Variants in DLG2 observed in about 807,000 individuals in gnomAD.
DLG2 encodes discs large MAGUK scaffold protein 2.
DLG2 carries 45 observed loss-of-function variants against 132.5 expected under a neutral mutation model. That is an observed-to-expected ratio of 0.34 (90% CI 0.27 to 0.44). The LOEUF (loss-of-function observed/expected upper bound fraction) is 0.44, where lower values mean the gene tolerates loss of function less well. Ranked by LOEUF, DLG2 falls within the 20% of genes least tolerant of loss-of-function variation. DLG2 has a pLI of 1.00. For missense variants in DLG2, 1,045 were observed against 1,196.9 expected, an observed-to-expected ratio of 0.87 and a Z score of 1.87; for synonymous variants, 424 against 419.6, an observed-to-expected ratio of 1.01 and a Z score of -0.13.
intron 3 of DLG2, among the ~76,000 whole-genome samples, chr11:85,421,419 C>T (rs286022): frequency 0.85 from 126,907 of 150,168 alleles, 53,975 homozygotes; most frequent in Non-Finnish European, 0.91. Flanking sequence ...CATCCCTCCC[C>T]CTTTTTTTTT....
intron 6 of DLG2, among the ~76,000 whole-genome samples, chr11:84,706,258 T>C (rs1317078944): frequency 2.0e-5 from 3 of 151,812 alleles, no homozygotes; most frequent in Non-Finnish European, 2.9e-5. Context: ...TTATATGCAA[T>C]GATTAAATAA....
chr11:84,285,484 G>C (rs2097900789), intron 7 of DLG2, among the ~76,000 whole-genome samples: 1 of 152,056 alleles, frequency 6.6e-6, no homozygotes, highest in Non-Finnish European at 1.5e-5. Flanking sequence ...CAGTTCTTCT[G>C]CCTCAAATCT....
intron 3 of DLG2, among the ~76,000 whole-genome samples, chr11:85,433,087 G>T (rs921171327): frequency 6.6e-6 from 1 of 152,136 alleles, no homozygotes; most frequent in Non-Finnish European, 1.5e-5. Flanking sequence ...CAGCAAAGGA[G>T]AAATAAAATC....
At chr11:85,424,717 C>T (rs962949027) in intron 3 of DLG2, among the ~76,000 whole-genome samples, 24 of 152,170 alleles carry the variant, frequency 1.6e-4, no homozygotes, top group South Asian at 2.1e-4. Context: ...TGAGGTAAGA[C>T]GAAGCAGACC....
intron 6 of DLG2, among the ~76,000 whole-genome samples, chr11:85,098,365 A>G (rs1349623966): frequency 6.6e-6 from 1 of 152,236 alleles, no homozygotes; most frequent in Non-Finnish European, 1.5e-5. Context: ...CCAAATGCAC[A>G]GGGACTGGAT....
chr11:84,806,957 C>T (rs993491635), intron 6 of DLG2, among the ~76,000 whole-genome samples: 5 of 152,060 alleles, frequency 3.3e-5, no homozygotes, highest in African/African-American at 1.2e-4. Flanking sequence ...AGAAAGACAA[C>T]ACAGTACACT....
chr11:83,854,984 G>A lies in DLG2; in HGVS notation c.1565+19436C>T, dbSNP rs571699326. 7.9e-5 allele frequency among the ~76,000 whole-genome samples: 12 copies of A among 151,944 alleles called. No individual in the cohort carries two copies. The East Asian group carries it at 1.9e-3, about 24-fold the overall frequency. On this transcript the variant is annotated intron_variant, in intron 16 of 27. Coordinates refer to ENST00000376104, the MANE Select transcript of DLG2 (RefSeq NM_001142699.3). ...CAACAAACAAACAAAATCTAAAACT[G>A]ACAAACAACTCAACTAAAAATGGGC...
At chr11:85,624,750 A>AC (rs1459297499) in intron 2 of DLG2, among the ~76,000 whole-genome samples, 6 of 152,210 alleles carry the variant, frequency 3.9e-5, no homozygotes, top group African/African-American at 1.4e-4. Context: ...TATAAGGAAA[A>AC]TATACAACAT....
At chr11:83,747,393 C>G (rs543446574) in intron 18 of DLG2, among the ~76,000 whole-genome samples, 1 of 149,686 alleles carries the variant, frequency 6.7e-6, no homozygotes, top group South Asian at 2.1e-4. Context: ...TCTTTTTTGA[C>G]AGGGTCTGGC....
chr11:83,535,847 A>G (rs2095865306), intron 20 of DLG2, among the ~76,000 whole-genome samples: 1 of 152,178 alleles, frequency 6.6e-6, no homozygotes, highest in Admixed American at 6.5e-5. Context: ...GGTCCCCACA[A>G]CAACCTAAGG....
intron 7 of DLG2, among the ~76,000 whole-genome samples, chr11:84,497,206 G>C (rs576283332): frequency 9.2e-5 from 14 of 152,222 alleles, no homozygotes; most frequent in African/African-American, 3.4e-4. Flanking sequence ...CTTCCCATAG[G>C]AGAGATACAA....
At chr11:83,645,250 A>C (rs960374393) in intron 18 of DLG2, among the ~76,000 whole-genome samples, 1 of 152,150 alleles carries the variant, frequency 6.6e-6, no homozygotes, top group Non-Finnish European at 1.5e-5. Flanking sequence ...AGAAAATGAC[A>C]CTGAGTCCAT....
chr11:85,396,078 G>A (rs2087330759), intron 3 of DLG2, among the ~76,000 whole-genome samples: 1 of 152,154 alleles, frequency 6.6e-6, no homozygotes, highest in South Asian at 2.1e-4. Flanking sequence ...AGAAGGATGA[G>A]GCAGCAATAT....
At chr11:85,183,955 C>G (rs1036012748) in intron 4 of DLG2, among the ~76,000 whole-genome samples, 1 of 151,920 alleles carries the variant, frequency 6.6e-6, no homozygotes, top group East Asian at 1.9e-4. Context: ...TAAATTCCTA[C>G]CAAAAAATCT....
intron 14 of DLG2, among the ~76,000 whole-genome samples, chr11:83,952,927 A>C (rs954345224): frequency 1.3e-5 from 2 of 152,138 alleles, no homozygotes; most frequent in Non-Finnish European, 2.9e-5. Context: ...AAAGAAAAAA[A>C]TTAAGGAGGG....
chr11:85,207,353 T>A (rs992427619), intron 4 of DLG2, among the ~76,000 whole-genome samples: 1 of 152,208 alleles, frequency 6.6e-6, no homozygotes, highest in African/African-American at 2.4e-5. Flanking sequence ...CCTACACATA[T>A]CATCTACAAC....
chr11:83,874,317 G>T, intron 16 of DLG2, 103 bp downstream of exon 16: 2 of 495,258 alleles, frequency 4.0e-6, no homozygotes, highest in Non-Finnish European at 6.0e-6. Flanking sequence ...AGAAGGAAGG[G>T]AGGGAGGGAG....
At chr11:83,786,266 A>C (rs1037980344) in intron 18 of DLG2, among the ~76,000 whole-genome samples, 1 of 152,162 alleles carries the variant, frequency 6.6e-6, no homozygotes, top group African/African-American at 2.4e-5. Flanking sequence ...CACCCCCAAA[A>C]GCCATGTTAG....
chr11:85,553,964 A>G (rs2076803427), intron 3 of DLG2, among the ~76,000 whole-genome samples: 2 of 151,436 alleles, frequency 1.3e-5, no homozygotes, highest in African/African-American at 2.4e-5. Flanking sequence ...AGAAAGTAAC[A>G]GCATGACATA....
Sources: allele counts gnomAD v4.1 joint callset (sites outside exome capture counted in the v4.1 genomes callset), GRCh38; gene constraint gnomAD v4.1.1; transcripts MANE v1.5; gene names NCBI Gene and HGNC (gene_info 2026-07-23, HGNC 2026-07-21).